Variants in CWH43 observed in about 807,000 individuals in gnomAD.
CWH43 encodes PGAP2-interacting protein.
A neutral mutation model predicts 85.7 loss-of-function variants in CWH43; 91 were observed. That is an observed-to-expected ratio of 1.06 (90% CI 0.90 to 1.26). CWH43 has a LOEUF of 1.26. Ranked by LOEUF, CWH43 falls within the 50% of genes most tolerant of loss-of-function variation. The pLI is 0.00. For synonymous variants in CWH43, 323 were observed against 293.6 expected, an observed-to-expected ratio of 1.10 and a Z score of -1.02; for missense variants, 869 against 839.2, an observed-to-expected ratio of 1.04 and a Z score of -0.44.
chr4:49,026,241 C>A lies in CWH43; in HGVS notation c.1267-2388C>A, dbSNP rs769489167. On this transcript the variant is annotated intron_variant, in intron 9 of 15. Coordinates refer to ENST00000226432, the MANE Select transcript of CWH43 (RefSeq NM_025087.3). ...AGCACTGAGTTTATGCCCAGGCAGC[C>A]GGTGAGCAGGGCTAGGAACTTGCCC... 2.6e-5 allele frequency among the ~76,000 whole-genome samples: 4 copies of A among 152,156 alleles called. No homozygotes were observed. The East Asian group carries it at 5.8e-4, about 22-fold the overall frequency.
chr4:49,046,406 A>C (rs1425346258), intron 14 of CWH43, among the ~76,000 whole-genome samples: 1 of 152,162 alleles, frequency 6.6e-6, no homozygotes, highest in East Asian at 1.9e-4. Context: ...TGGGAATATA[A>C]TAGGAAAAAA....
At chr4:48,994,084 G>A (rs1013083956) in intron 4 of CWH43, among the ~76,000 whole-genome samples, 1 of 152,098 alleles carries the variant, frequency 6.6e-6, no homozygotes, top group Non-Finnish European at 1.5e-5. Context: ...TTGTAAAATA[G>A]GATTAATAGT....
In CWH43 at chr4:49,032,723, TC is replaced by T; in HGVS notation, c.1658+9del. On this transcript the variant is annotated intron_variant, in intron 12 of 15. Coordinates refer to ENST00000226432, the MANE Select transcript of CWH43 (RefSeq NM_025087.3). ...ACACTTTGGGAACCACGAGTGGGTT[TC>T]TTTGGCCCACCTAATATTACACAAA... 6.2e-7 allele frequency: 1 copy of T among 1,613,886 alleles called. No homozygotes were observed. Among genetic ancestry groups the T allele is most frequent in the Non-Finnish European group, 8.5e-7 (1 of 1,179,780 alleles).
intron 14 of CWH43, among the ~76,000 whole-genome samples, chr4:49,047,523 A>C (rs1435477783): frequency 6.6e-6 from 1 of 152,188 alleles, no homozygotes; most frequent in Non-Finnish European, 1.5e-5. Flanking sequence ...CTTACTAAGA[A>C]GATGACATTT....
chr4:49,024,013 AT>A (rs370053111), intron 9 of CWH43, among the ~76,000 whole-genome samples: 24 of 152,218 alleles, frequency 1.6e-4, no homozygotes, highest in African/African-American at 5.8e-4. Flanking sequence ...TGTTTTATAA[AT>A]TTGGGGGTTC....
chr4:49,035,555 G>C (rs1337567710), intron 12 of CWH43, among the ~76,000 whole-genome samples: 1 of 152,088 alleles, frequency 6.6e-6, no homozygotes, highest in Admixed American at 6.6e-5. Flanking sequence ...GGTTAACCTT[G>C]GTAAGTTCCA....
intron 9 of CWH43, among the ~76,000 whole-genome samples, chr4:49,027,288 G>A (rs1783946325): frequency 6.6e-6 from 1 of 152,224 alleles, no homozygotes; most frequent in South Asian, 2.1e-4. Flanking sequence ...GTTGTTGGGT[G>A]AGGAGAAGGA....
Position 48,986,415 on chromosome 4 carries a change from C to G in CWH43, c.-15C>G. ...CGCACGGCTTTCCTGGAAAGCGCTG[C>G]CCCTCGCCGCGGCGATGCCCTCGCT... On this transcript the variant is annotated 5_prime_UTR_variant, in exon 1 of 16. Coordinates refer to ENST00000226432, the MANE Select transcript of CWH43 (RefSeq NM_025087.3). 3 of 1,542,180 alleles carry G rather than the reference C, an allele frequency of 1.9e-6. No homozygotes were observed. Among genetic ancestry groups the G allele is most frequent in the Middle Eastern group, 1.8e-4 (1 of 5,562 alleles).
At chr4:49,004,064 C>T in intron 7 of CWH43, 72 bp downstream of exon 7, 1 of 1,357,948 alleles carries the variant, frequency 7.4e-7, no homozygotes, top group African/African-American at 1.5e-5. Flanking sequence ...CAGGATTTAG[C>T]ACTTTATGTA....
intron 9 of CWH43, among the ~76,000 whole-genome samples, chr4:49,021,678 T>C (rs568016313): frequency 4.6e-5 from 7 of 152,342 alleles, no homozygotes; most frequent in South Asian, 2.1e-4. Context: ...TACCCATCCA[T>C]GAGCATGGAT....
chr4:48,997,575 G>C (rs1782852841), intron 5 of CWH43, among the ~76,000 whole-genome samples: 1 of 152,004 alleles, frequency 6.6e-6, no homozygotes, highest in South Asian at 2.1e-4. Flanking sequence ...GTCTTCTGTA[G>C]CCCCAGGGTC....
At chr4:49,029,857 C>T (rs1784039506) in intron 10 of CWH43, among the ~76,000 whole-genome samples, 1 of 152,206 alleles carries the variant, frequency 6.6e-6, no homozygotes, top group Admixed American at 6.5e-5. Flanking sequence ...CCGACCTTCT[C>T]CCCACTATCA....
intron 7 of CWH43, among the ~76,000 whole-genome samples, chr4:49,006,949 G>A (rs1183361985): frequency 6.6e-6 from 1 of 152,142 alleles, no homozygotes; most frequent in African/African-American, 2.4e-5. Context: ...AAATACTCAA[G>A]AAATTCAAAG....
At chr4:49,034,164 C>G (rs1784190639) in intron 12 of CWH43, among the ~76,000 whole-genome samples, 1 of 152,138 alleles carries the variant, frequency 6.6e-6, no homozygotes, top group South Asian at 2.1e-4. Flanking sequence ...TGGTTCATAT[C>G]TCTTAAAAAA....
At chr4:49,032,163 T>G (rs1784118761) in intron 11 of CWH43, among the ~76,000 whole-genome samples, 2 of 152,232 alleles carry the variant, frequency 1.3e-5, no homozygotes, top group South Asian at 4.1e-4. Context: ...TAGGACAGTT[T>G]TTCATTTCTA....
intron 8 of CWH43, among the ~76,000 whole-genome samples, chr4:49,011,205 G>T (rs894995690): frequency 1.6e-4 from 25 of 152,146 alleles, no homozygotes; most frequent in African/African-American, 4.8e-4. Flanking sequence ...TCTTCTTGTT[G>T]AATTGATCCC....
chr4:49,057,608 C>G (rs1346631706), intron 15 of CWH43, among the ~76,000 whole-genome samples: 1 of 152,120 alleles, frequency 6.6e-6, no homozygotes, highest in African/African-American at 2.4e-5. Flanking sequence ...GGGTGAAATG[C>G]TCTCTATGTA....
chr4:49,041,754 C>A (rs984138672), intron 13 of CWH43, among the ~76,000 whole-genome samples: 7 of 152,154 alleles, frequency 4.6e-5, no homozygotes, highest in Non-Finnish European at 1.0e-4. Context: ...TGTTCCCAAA[C>A]CAGCAGCCTT....
rs767900405 is a variant in CWH43 at position 48,994,753 on chromosome 4, G to T, written c.646G>T (p.Val216Phe). Residue 216 changes from valine (V) to phenylalanine (F), a missense_variant, in exon 5 of 16, where the codon GTC (valine) becomes TTC (phenylalanine). Around this residue, in one of 3 missense-constraint regions of CWH43, gnomAD observed 152 missense variants for 203.6 expected, o/e 0.75. Coordinates refer to ENST00000226432, the MANE Select transcript of CWH43 (RefSeq NM_025087.3). ...CCTCACCCACTGGGTTTTTGGAGAA[G>T]TCTCTCTTGTTTCCAGATGGGCAGT... ...VFLTHWVFGE[V>F]SLVSRWAVSG... is the part of the protein sequence containing the mutation. 6.2e-7 allele frequency: 1 copy of T among 1,614,098 alleles called. No homozygotes were observed. The highest frequency in any genetic ancestry group is 2.2e-5 in the East Asian group (1 of 44,888).
Sources: allele counts gnomAD v4.1 joint callset (sites outside exome capture counted in the v4.1 genomes callset), GRCh38; gene constraint gnomAD v4.1.1; regional missense constraint gnomAD v4.1.1; transcripts MANE v1.5; gene names NCBI Gene and HGNC (gene_info 2026-07-23, HGNC 2026-07-21).